Variants in APEH observed in about 807,000 individuals in gnomAD.
The protein encoded by APEH is acylaminoacyl-peptide hydrolase, also known as acylamino-acid-releasing enzyme.
A neutral mutation model predicts 102.7 loss-of-function variants in APEH; 75 were observed. The ratio of observed to expected loss-of-function variants is 0.73; its 90% confidence interval spans 0.61 to 0.89. The LOEUF (loss-of-function observed/expected upper bound fraction) is 0.89, where lower values mean the gene tolerates loss of function less well. Among genes scored for constraint, APEH ranks in the 40% least tolerant of loss-of-function variants. The pLI, the probability that APEH is intolerant of heterozygous loss-of-function variation, is 0.00. For missense variants in APEH, 863 were observed against 941.2 expected (o/e 0.92, Z 1.09); for synonymous variants, 344 against 362.7 (o/e 0.95, Z 0.59).
Position 49,679,799 on chromosome 3 carries a change from A to G in APEH, c.1210+155A>G, listed in dbSNP as rs2053236191. The G allele has an allele frequency of 4.0e-6, 3 of 745,658 alleles. No individual in the cohort carries two copies. The East Asian group carries it at 8.5e-5, about 21-fold the overall frequency. 46.2% of individuals were successfully genotyped at this position (745,658 alleles called of 1,614,324 possible). On this transcript the variant is annotated intron_variant, in intron 13 of 21. Transcript: ENST00000296456. This position sits in a 1 kb window ranked among gnomAD's most constrained non-coding sequence, Gnocchi z 4.3. The stretch of plus-strand genomic sequence containing the variant: ...CACAGCCTTTACTAACAGGTCCCCA[A>G]GGCCCCTGTCTGTGCAGACCCTTAC...
chr3:49,674,758 A>G (rs1026231829), intron 2 of APEH, 137 bp downstream of exon 2: 4 of 1,232,452 alleles, frequency 3.2e-6, no homozygotes, highest in African/African-American at 1.5e-5. Flanking sequence ...TTACACTCCC[A>G]CAGGTCCCTG....
Position 49,676,397 on chromosome 3 carries a change from A to T in APEH, c.626A>T (p.Tyr209Phe). 1 of 1,614,194 alleles carries T rather than the reference A, an allele frequency of 6.2e-7. No homozygotes were observed. The highest frequency in any genetic ancestry group is 1.1e-5 in the South Asian group (1 of 91,086). ...TCTCAGGGGGATCAGTTTGTGTTTT[A>T]TGAAGACTGGGGAGAAAACATGGTT... ...QAIKGDQFVF[Y>F]EDWGENMVSK... Residue 209 changes from tyrosine (Y) to phenylalanine (F), a missense_variant, in exon 7 of 22, where the codon TAT becomes TTT. By Grantham distance (22) the Tyr-to-Phe change is conservative. Coordinates refer to ENST00000296456, the MANE Select transcript of APEH (RefSeq NM_001640.4).
rs1319173494 is a variant in APEH, at chr3:49,677,636, A to C, written c.1060+3A>C. 5.0e-6 allele frequency: 8 copies of C among 1,612,882 alleles called. No individual in the cohort carries two copies. The highest frequency in any genetic ancestry group is 6.8e-6 in the Non-Finnish European group (8 of 1,179,062). ...TGTTGTGCCTCGGCAGCTGGGAGGT[A>C]AGGCATACCTGGCTGGGTGGGTGCA... On this transcript the variant is annotated splice_donor_region_variant and intron_variant, in intron 11 of 21. Coordinates refer to ENST00000296456, the MANE Select transcript of APEH (RefSeq NM_001640.4).
chr3:49,674,947 G>T (rs1165349959), intron 2 of APEH, among the ~76,000 whole-genome samples: 2 of 152,152 alleles, frequency 1.3e-5, no homozygotes, highest in African/African-American at 2.4e-5. Context: ...AAGATTCCAG[G>T]GTGGATGCTG....
chr3:49,683,501 A>G lies in APEH; in HGVS notation c.*159A>G. ...ATGTAGTCATAATAAATTAGGACAC[A>G]GAGCCTGGTTCCTGCTGGTACTTTG... On this transcript the variant is annotated 3_prime_UTR_variant, in exon 22 of 22. Coordinates refer to ENST00000296456, the MANE Select transcript of APEH (RefSeq NM_001640.4). 1 of 648,120 alleles carries G rather than the reference A, an allele frequency of 1.5e-6. No homozygotes were observed. Among genetic ancestry groups the G allele is most frequent in the Non-Finnish European group, 2.7e-6 (1 of 373,192 alleles). 40.1% of individuals were successfully genotyped at this position (648,120 alleles called of 1,614,324 possible).
chr3:49,680,542 A>G lies in APEH; in HGVS notation c.1212A>G (p.Gly404=). The part of the protein sequence containing the change: ...QVGTVTSLTA[G]GSGGSWKLLT... ...CTTAATGGCATCTGCCTTTTCCAGG[A>G]GGGTCAGGTGGGAGCTGGAAGTTGC... The change falls in exon 14 of 22, where the codon GGA becomes GGG. Residue 404 remains glycine, a splice_region_variant and synonymous_variant. Coordinates refer to ENST00000296456, the MANE Select transcript of APEH (RefSeq NM_001640.4). 1 of 1,613,952 alleles carries G rather than the reference A, an allele frequency of 6.2e-7. No individual in the cohort carries two copies.
In APEH at chr3:49,676,162, C is replaced by T. The variant is rs769546586; in HGVS notation, c.549C>T (p.Asp183=). Residue 183 remains aspartate, a synonymous_variant, in exon 6 of 22, where the codon GAC becomes GAT. Transcript: ENST00000296456. ...CCTTCTTTCAGACCAAAGCCTTGGACGTCAGTGCCAGCGATGATGAGATAG... is the reference window on the plus strand; with the variant it reads ...CCTTCTTTCAGACCAAAGCCTTGGATGTCAGTGCCAGCGATGATGAGATAG... ...AESFFQTKAL[D]VSASDDEIAR... is the part of the protein sequence containing the mutation. The T allele has an allele frequency of 1.5e-5, 24 of 1,614,068 alleles. No homozygotes were observed. Among genetic ancestry groups the T allele is most frequent in the Middle Eastern group, 1.6e-4 (1 of 6,084 alleles).
intron 11 of APEH, 38 bp from the exon 12 acceptor site, chr3:49,678,814 C>A (rs952288400): frequency 6.5e-7 from 1 of 1,530,888 alleles, no homozygotes; most frequent in East Asian, 2.2e-5. Flanking sequence ...TCCCTACCTC[C>A]ACTCCTGGAT....
Position 49,676,965 on chromosome 3 carries a change from A to G in APEH, c.940A>G (p.Ile314Val). 6.2e-7 allele frequency: 1 copy of G among 1,614,100 alleles called. No homozygotes were observed. Among genetic ancestry groups the G allele is most frequent in the Non-Finnish European group, 8.5e-7 (1 of 1,180,004 alleles). Residue 314 changes from isoleucine to valine, a missense_variant, in exon 10 of 22, where the codon ATT (isoleucine) becomes GTT (valine). By Grantham distance (29) the Ile-to-Val change is conservative. Transcript: ENST00000296456. ...CCGGCTGAGCCCAGACCAATGTCGCATTGTCTACCTGCAGTACCCATCTCT... is the reference window on the plus strand; with the variant it reads ...CCGGCTGAGCCCAGACCAATGTCGCGTTGTCTACCTGCAGTACCCATCTCT... The part of the protein sequence containing the change: ...SPRLSPDQCR[I>V]VYLQYPSLIP...
At chr3:49,674,732 G>A in intron 2 of APEH, 111 bp downstream of exon 2, 1 of 1,409,610 alleles carries the variant, frequency 7.1e-7, no homozygotes, top group Non-Finnish European at 9.6e-7. Context: ...ATAGGGAGCC[G>A]GCCTGGACTT....
In APEH at chr3:49,683,407, T is replaced by C; in HGVS notation, c.*65T>C. ...ACTTCGCTCTTGAGGAGCTCAACGGTCTGGCAGGGCAGCAGGAGGCTTTCT... is the reference window on the plus strand; with the variant it reads ...ACTTCGCTCTTGAGGAGCTCAACGGCCTGGCAGGGCAGCAGGAGGCTTTCT... On this transcript the variant is annotated 3_prime_UTR_variant, in exon 22 of 22. Coordinates refer to ENST00000296456, the MANE Select transcript of APEH (RefSeq NM_001640.4). The C allele has an allele frequency of 7.0e-7, 1 of 1,437,802 alleles. No individual in the cohort carries two copies. 89.1% of individuals were successfully genotyped at this position (1,437,802 alleles called of 1,614,324 possible). A position where few individuals can be genotyped will look rare whatever the true frequency, so the allele number is the denominator to read the frequency against.
At chr3:49,680,220 G>A (rs1010008601) in intron 13 of APEH, 11 of 367,302 alleles carry the variant, frequency 3.0e-5, no homozygotes, top group East Asian at 6.5e-5. Context: ...AAATCAGCAC[G>A]CTCCCCGACC....
chr3:49,683,941 C>CATCT lies in APEH; in HGVS notation c.*600_*603dup. 2 of 1,535,300 alleles carry CATCT rather than the reference C, an allele frequency of 1.3e-6. No individual in the cohort carries two copies. ...TTTCCTGGAAGCAAAGGCTAAGAAG[C>CATCT]ATCTGTACAGGCATAAAGAGGAAAC... is the stretch of plus-strand genomic sequence containing the variant. On this transcript the variant is annotated 3_prime_UTR_variant, in exon 22 of 22. Coordinates refer to ENST00000296456, the MANE Select transcript of APEH (RefSeq NM_001640.4).
intron 11 of APEH, among the ~76,000 whole-genome samples, chr3:49,678,631 C>T (rs1448805228): frequency 6.6e-6 from 1 of 152,000 alleles, no homozygotes; most frequent in Non-Finnish European, 1.5e-5. Context: ...AGCTCTGCCT[C>T]TCTGGGTCCT....
intron 2 of APEH, 69 bp from the exon 3 acceptor site, chr3:49,675,114 A>G (rs2052963767): frequency 5.0e-6 from 8 of 1,601,664 alleles, no homozygotes; most frequent in Non-Finnish European, 6.8e-6. Flanking sequence ...TTCCTGGGTC[A>G]GGTGGGGCTG....
At chr3:49,674,454 GGGCCGGGCCT>G (rs1559627643) in intron 1 of APEH, 25 bp from the exon 2 acceptor site, 1 of 1,569,946 alleles carries the variant, frequency 6.4e-7, no homozygotes, top group African/African-American at 1.4e-5. Flanking sequence ...CCTGCAGCCC[GGGCCGGGCCT>G]GACCCTGGTG....
chr3:49,677,749 C>T (rs1165077630), intron 11 of APEH, 116 bp downstream of exon 11: 25 of 1,022,956 alleles, frequency 2.4e-5, no homozygotes, highest in Non-Finnish European at 3.7e-5. Flanking sequence ...CCCTACCTCC[C>T]TGCTGGGCCA....
At position 49,682,704 on chromosome 3, in the gene APEH, C is replaced by T. The variant is rs533282155; in HGVS notation, c.1851C>T (p.Ala617=). ...CCCGGAACCCCGTGATCAACATCGCCTCCATGTTGGGCTCCACTGACATCC... is the reference window on the plus strand; with the variant it reads ...CCCGGAACCCCGTGATCAACATCGCTTCCATGTTGGGCTCCACTGACATCC... ...CVARNPVINI[A]SMLGSTDIPD... The change falls in exon 19 of 22, where the codon GCC becomes GCT. Residue 617 remains alanine (A), a synonymous_variant. Transcript: ENST00000296456. 6.2e-7 allele frequency: 1 copy of T among 1,614,014 alleles called. No homozygotes were observed. Among genetic ancestry groups the T allele is most frequent in the African/African-American group, 1.3e-5 (1 of 75,036 alleles).
chr3:49,683,442 A>G lies in APEH; in HGVS notation c.*100A>G, dbSNP rs1019521334. On this transcript the variant is annotated 3_prime_UTR_variant, in exon 22 of 22. Transcript: ENST00000296456. ...CAGCAGGAGGCTTTCTGGGCTCTGGACTCCACGGATGCGTGGGCAGAGGAA... is the reference window on the plus strand; with the variant it reads ...CAGCAGGAGGCTTTCTGGGCTCTGGGCTCCACGGATGCGTGGGCAGAGGAA... 1.5e-5 allele frequency: 15 copies of G among 1,019,034 alleles called. No homozygotes were observed. The African/African-American group carries it at 2.2e-4, about 15-fold the overall frequency. The allele number at this position is 1,019,034 out of a possible 1,614,324, so 63.1% of individuals were successfully genotyped here.
Sources: gnomAD v4.1 joint callset for allele counts (sites outside exome capture counted in the v4.1 genomes callset) on GRCh38, gnomAD v4.1.1 for gene constraint, Gnocchi (gnomAD v3.1) non-coding constraint, MANE v1.5 for transcripts, NCBI Gene and HGNC (gene_info 2026-07-23, HGNC 2026-07-21) for gene names.